SLC39A12: variants seen among roughly 807,000 people sequenced by gnomAD.
SLC39A12 encodes solute carrier family 39 member 12.
A neutral mutation model predicts 71.1 loss-of-function variants in SLC39A12; 63 were observed. That is an observed-to-expected ratio of 0.89 (90% confidence interval 0.72 to 1.09). The LOEUF (loss-of-function observed/expected upper bound fraction) is 1.09, where lower values mean the gene tolerates loss of function less well. SLC39A12 is among the 50% of genes least tolerant of loss of function. The pLI, the probability that SLC39A12 is intolerant of heterozygous loss-of-function variation, is 0.00. For missense variants in SLC39A12, 892 were observed against 812.6 expected, an observed-to-expected ratio of 1.10 and a Z score of -1.19; for synonymous variants, 351 against 301.3, an observed-to-expected ratio of 1.16 and a Z score of -1.71.
intron 12 of SLC39A12, among the ~76,000 whole-genome samples, chr10:18,008,378 C>A (rs1412169695): frequency 6.6e-6 from 1 of 152,176 alleles, no homozygotes; most frequent in Admixed American, 6.5e-5. Flanking sequence ...TCTCCCATCA[C>A]CTCCAGATGG....
At chr10:18,029,012 GC>G (rs1416610164) in intron 12 of SLC39A12, among the ~76,000 whole-genome samples, 1 of 151,724 alleles carries the variant, frequency 6.6e-6, no homozygotes, top group Non-Finnish European at 1.5e-5. Context: ...GAGCCACCAC[GC>G]CCCACCAAAA....
At chr10:18,040,632 G>A in intron 12 of SLC39A12, among the ~76,000 whole-genome samples, 1 of 152,062 alleles carries the variant, frequency 6.6e-6, no homozygotes, top group East Asian at 1.9e-4. Context: ...AGCCAAGCAT[G>A]GTGGTGGATG....
intron 12 of SLC39A12, among the ~76,000 whole-genome samples, chr10:18,016,184 T>G (rs2130868530): frequency 6.6e-6 from 1 of 152,322 alleles, no homozygotes; most frequent in East Asian, 1.9e-4. Context: ...CCCTGTGTTT[T>G]GCATATTTGT....
intron 12 of SLC39A12, among the ~76,000 whole-genome samples, chr10:18,006,185 A>T (rs750401197): frequency 5.9e-5 from 9 of 152,346 alleles, no homozygotes; most frequent in South Asian, 4.1e-4. Context: ...GACTAGCTAG[A>T]TCTTTGTTTG....
At chr10:17,979,780 T>C (rs73607807) in intron 5 of SLC39A12, among the ~76,000 whole-genome samples, 6,274 of 152,246 alleles carry the variant, frequency 0.041, 456 homozygotes, top group African/African-American at 0.14. Context: ...CTCCTACTAC[T>C]TGGGCAAAAC....
chr10:17,983,937 T>A (rs2130813780), intron 6 of SLC39A12, among the ~76,000 whole-genome samples: 1 of 152,246 alleles, frequency 6.6e-6, no homozygotes, highest in Non-Finnish European at 1.5e-5. Context: ...CGGGGAGACA[T>A]TATTAAGAAA....
intron 12 of SLC39A12, among the ~76,000 whole-genome samples, chr10:18,025,234 TTA>T (rs1337059713): frequency 1.6e-4 from 9 of 55,558 alleles, no homozygotes; most frequent in African/African-American, 1.1e-3. Flanking sequence ...CTTTTTATTT[TTA>T]TTTTTTTTTA....
At position 17,981,313 on chromosome 10, in the gene SLC39A12, C is replaced by T. The variant is rs781482975; in HGVS notation, c.926C>T (p.Thr309Ile). Residue 309 changes from threonine (T) to isoleucine (I), a missense_variant and splice_region_variant, in exon 6 of 13, where the codon ACC becomes ATC. By Grantham distance (89) the Thr-to-Ile change is moderately conservative (BLOSUM62 -1). Coordinates refer to ENST00000377369, the MANE Select transcript of SLC39A12 (RefSeq NM_001145195.2). ...SEDGPVSWDQ[T>I]CFSARQLVEI... ...CAATGTTATGTTTTCCTCACACAGACCTGCTTCTCTGCTAGGCAGCTGGTG... is the reference window on the plus strand; with the variant it reads ...CAATGTTATGTTTTCCTCACACAGATCTGCTTCTCTGCTAGGCAGCTGGTG... 1.2e-4 allele frequency: 185 copies of T among 1,606,222 alleles called. 1 individual carries two copies. The South Asian group carries it at 1.8e-3, about 16-fold the overall frequency.
At chr10:17,996,571 C>G (rs1298667014) in intron 10 of SLC39A12, among the ~76,000 whole-genome samples, 1 of 152,210 alleles carries the variant, frequency 6.6e-6, no homozygotes, top group Non-Finnish European at 1.5e-5. Flanking sequence ...GGTGTGATCT[C>G]ATTCAATTCT....
In SLC39A12 at chr10:18,008,883, G is replaced by A. The variant is rs141339434; in HGVS notation, c.1947+5525G>A. On this transcript the variant is annotated intron_variant, in intron 12 of 12. Coordinates refer to ENST00000377369, the MANE Select transcript of SLC39A12 (RefSeq NM_001145195.2). ...ATTTTGTCTGAGAGCTGAATGTTCC[G>A]CCTAAGAAAATTCTCAGAATTGGAA... is the stretch of plus-strand genomic sequence containing the variant. Among the ~76,000 whole-genome samples, 406 of 151,896 alleles carry A rather than the reference G, an allele frequency of 2.7e-3. 1 individual carries two copies. Among genetic ancestry groups the A allele is most frequent in the African/African-American group, 9.3e-3 (385 of 41,400 alleles).
chr10:18,037,485 T>A (rs1317370469), intron 12 of SLC39A12, among the ~76,000 whole-genome samples: 1 of 152,194 alleles, frequency 6.6e-6, no homozygotes, highest in African/African-American at 2.4e-5. Context: ...CTTGTCCTCT[T>A]TCTGACATCA....
intron 5 of SLC39A12, 122 bp from the exon 6 acceptor site, chr10:17,981,190 C>A (rs1434009108): frequency 3.9e-6 from 3 of 761,776 alleles, no homozygotes; most frequent in Non-Finnish European, 2.0e-6. Context: ...ACGTGTCGTA[C>A]CGGCTTCATG....
rs115351303 is a variant in SLC39A12 at position 17,970,265 on chromosome 10, T to C, written c.751+4575T>C. Among the ~76,000 whole-genome samples the C allele has an allele frequency of 3.3e-3, 499 of 152,336 alleles. 4 individuals are homozygous for C. Among genetic ancestry groups the C allele is most frequent in the African/African-American group, 0.012 (484 of 41,562 alleles). ...TTTTGCTCAGGATAGTTTTGACTGT[T>C]CTGGATCTTTTGTGATTCCATATAA... is the stretch of plus-strand genomic sequence containing the variant. On this transcript the variant is annotated intron_variant, in intron 4 of 12. Transcript: ENST00000377369.
In SLC39A12 at chr10:17,991,330, G is replaced by A. The variant is rs771932121; in HGVS notation, c.1422+27G>A. On this transcript the variant is annotated intron_variant, in intron 8 of 12. Transcript: ENST00000377369. ...TATATTTTTAAGTTTTATTTGTCTTGTGCTTTAAAGTCTTATAATACATTC... is the reference window on the plus strand; with the variant it reads ...TATATTTTTAAGTTTTATTTGTCTTATGCTTTAAAGTCTTATAATACATTC... 5 of 1,527,494 alleles carry A rather than the reference G, an allele frequency of 3.3e-6. No individual in the cohort carries two copies. The Admixed American group carries it at 1.1e-4, about 33-fold the overall frequency. The allele number at this position is 1,527,494 out of a possible 1,614,324, so 94.6% of individuals were successfully genotyped here. A position where few individuals can be genotyped will look rare whatever the true frequency, so the allele number is the denominator to read the frequency against.
chr10:18,040,771 A>T (rs1195601349), intron 12 of SLC39A12, among the ~76,000 whole-genome samples: 1 of 140,120 alleles, frequency 7.1e-6, no homozygotes, highest in Non-Finnish European at 1.6e-5. Context: ...CTCCATCTCA[A>T]AAAAAAAAAA....
Position 18,036,785 on chromosome 10 carries a change from TATATATATA to T in SLC39A12, c.1948-5919_1948-5911del, listed in dbSNP as rs1416356825. Among the ~76,000 whole-genome samples, 39 of 12,540 alleles carry T rather than the reference TATATATATA, an allele frequency of 3.1e-3. 2 individuals are homozygous for T. The highest frequency in any genetic ancestry group is 4.6e-3 in the African/African-American group (16 of 3,452). 8.2% of individuals were successfully genotyped at this position (12,540 alleles called of 152,430 possible). ...ATATATATATATATATATATATATA[TATATATATA>T]TTTTTTTTTTTAATGGAATCTCACT... On this transcript the variant is annotated intron_variant, in intron 12 of 12. Coordinates refer to ENST00000377369, the MANE Select transcript of SLC39A12 (RefSeq NM_001145195.2).
At chr10:18,015,799 A>T (rs576864757) in intron 12 of SLC39A12, among the ~76,000 whole-genome samples, 1 of 151,866 alleles carries the variant, frequency 6.6e-6, no homozygotes, top group East Asian at 1.9e-4. Context: ...CACCTACACT[A>T]TCCAAATGGT....
At chr10:18,008,177 G>A (rs991131642) in intron 12 of SLC39A12, among the ~76,000 whole-genome samples, 4 of 152,174 alleles carry the variant, frequency 2.6e-5, no homozygotes, top group East Asian at 3.9e-4. Context: ...GGAGGTGAGC[G>A]GCAGGTGAGC....
intron 6 of SLC39A12, among the ~76,000 whole-genome samples, chr10:17,983,212 C>G (rs1835312467): frequency 6.7e-6 from 1 of 148,402 alleles, no homozygotes; most frequent in South Asian, 2.1e-4. Flanking sequence ...CTAGAAAGGC[C>G]AGGTGCAGTG....
Sources: allele counts gnomAD v4.1 joint callset (sites outside exome capture counted in the v4.1 genomes callset), GRCh38; gene constraint gnomAD v4.1.1; transcripts MANE v1.5; gene names NCBI Gene and HGNC (gene_info 2026-07-23, HGNC 2026-07-21).